Variants in NRG3 observed in about 807,000 individuals in gnomAD.
NRG3 encodes the protein neuregulin 3.
NRG3 carries 31 observed loss-of-function variants against 66.9 expected under a neutral mutation model. The observed-to-expected ratio is 0.46, with a 90% CI of 0.35 to 0.63. The LOEUF (loss-of-function observed/expected upper bound fraction) is 0.63. Ranked by LOEUF, NRG3 falls within the 20% of genes least tolerant of loss-of-function variation. NRG3 has a pLI of 0.00. For missense variants in NRG3, 910 were observed against 878.9 expected (o/e 1.04, Z -0.45); for synonymous variants, 393 against 359.4 (o/e 1.09, Z -1.06).
chr10:82,563,970 T>A (rs1271163792), intron 2 of NRG3, among the ~76,000 whole-genome samples: 1 of 152,126 alleles, frequency 6.6e-6, no homozygotes, highest in African/African-American at 2.4e-5. Context: ...CTATTAAGCA[T>A]TTTTACAAAT....
In NRG3 at chr10:82,351,359, A is replaced by G. The variant is rs943026402; in HGVS notation, c.824-7380A>G. ...AAGATACACCATCCCCACCGTGGAT[A>G]GCATCCAGATTAATGCTGGAAATCA... On this transcript the variant is annotated intron_variant, in intron 1 of 8. Transcript: ENST00000372141. Among the ~76,000 whole-genome samples, 4 of 152,370 alleles carry G rather than the reference A, an allele frequency of 2.6e-5. No homozygotes were observed. The South Asian group carries it at 8.3e-4, about 32-fold the overall frequency.
chr10:82,232,627 A>G (rs1475614772), intron 1 of NRG3: 2 of 624,482 alleles, frequency 3.2e-6, no homozygotes, highest in East Asian at 2.8e-5. Flanking sequence ...ATCTATAAAT[A>G]TTATGATTTG....
intron 4 of NRG3, among the ~76,000 whole-genome samples, chr10:82,934,783 G>A (rs1847903781): frequency 6.6e-6 from 1 of 152,126 alleles, no homozygotes; most frequent in Admixed American, 6.6e-5. Context: ...GGCTTAAAAG[G>A]CGCACAATTT....
chr10:82,019,965 C>A (rs1589807059), intron 1 of NRG3, among the ~76,000 whole-genome samples: 1 of 152,100 alleles, frequency 6.6e-6, no homozygotes, highest in South Asian at 2.1e-4. Flanking sequence ...TTAGTAATTT[C>A]TTGCCATCTG....
chr10:82,796,154 A>G (rs962327310), intron 3 of NRG3, among the ~76,000 whole-genome samples: 2 of 152,190 alleles, frequency 1.3e-5, no homozygotes, highest in African/African-American at 4.8e-5. Context: ...GTGTACTTTT[A>G]GGCTCATGTG....
chr10:82,894,375 G>A (rs1843450091), intron 4 of NRG3, among the ~76,000 whole-genome samples: 1 of 152,030 alleles, frequency 6.6e-6, no homozygotes, highest in Admixed American at 6.6e-5. Flanking sequence ...AAAACTGTTA[G>A]GCAAAGTTTT....
At chr10:82,241,770 T>C (rs2077016577) in intron 1 of NRG3, among the ~76,000 whole-genome samples, 1 of 152,196 alleles carries the variant, frequency 6.6e-6, no homozygotes. Flanking sequence ...ATGGAATATT[T>C]TGGCATTAAA....
chr10:82,894,567 A>ACGTTCCT (rs1843467981), intron 4 of NRG3, among the ~76,000 whole-genome samples: 1 of 17,282 alleles, frequency 5.8e-5, no homozygotes, highest in Non-Finnish European at 1.2e-4. Context: ...TTTCTCCTGT[A>ACGTTCCT]CTTAGAGTCC....
intron 2 of NRG3, among the ~76,000 whole-genome samples, chr10:82,553,777 C>A (rs901930495): frequency 1.3e-5 from 2 of 152,098 alleles, no homozygotes; most frequent in Admixed American, 6.6e-5. Context: ...ATAAAAGTTT[C>A]TCCCACAATT....
At chr10:82,900,610 A>T (rs1004269636) in intron 4 of NRG3, among the ~76,000 whole-genome samples, 1 of 152,198 alleles carries the variant, frequency 6.6e-6, no homozygotes, top group African/African-American at 2.4e-5. Flanking sequence ...ATATTATGTC[A>T]GATATTCTGC....
chr10:82,849,538 ATTGT>A (rs144738961), intron 3 of NRG3, among the ~76,000 whole-genome samples: 6,529 of 152,260 alleles, frequency 0.043, 198 homozygotes, highest in Non-Finnish European at 0.066. Context: ...ATGGTGGTAA[ATTGT>A]TAGGAGTAAA....
chr10:81,875,625 G>A lies in NRG3; in HGVS notation c.285G>A (p.Lys95=), dbSNP rs368486474. 4 of 1,613,630 alleles carry A rather than the reference G, an allele frequency of 2.5e-6. No homozygotes were observed. The highest frequency in any genetic ancestry group is 1.3e-5 in the African/African-American group (1 of 74,906). Residue 95 remains lysine, a synonymous_variant, in exon 1 of 9, where the codon AAG becomes AAA. Coordinates refer to ENST00000372141, the MANE Select transcript of NRG3 (RefSeq NM_001010848.4). The surrounding 1 kb of genome is among the most constrained non-coding windows in gnomAD (Gnocchi z 5.3). ...LLKWIVVGSV[K]EYVPTDLVDS... ...AATGGATCGTGGTGGGCTCCGTCAA[G>A]GAGTACGTGCCCACCGACCTAGTGG...
At chr10:82,541,256 A>T (rs1735491218) in intron 2 of NRG3, among the ~76,000 whole-genome samples, 1 of 152,252 alleles carries the variant, frequency 6.6e-6, no homozygotes, top group Admixed American at 6.5e-5. Flanking sequence ...TTAGATATAA[A>T]TACGCATGCA....
At chr10:81,947,730 CCTAGT>C in intron 1 of NRG3, among the ~76,000 whole-genome samples, 1 of 151,816 alleles carries the variant, frequency 6.6e-6, no homozygotes, top group Non-Finnish European at 1.5e-5. Context: ...AAGTGTATGA[CCTAGT>C]CTAATCACTG....
At chr10:82,279,006 T>A in intron 1 of NRG3, among the ~76,000 whole-genome samples, 1 of 152,158 alleles carries the variant, frequency 6.6e-6, no homozygotes, top group Admixed American at 6.6e-5. Flanking sequence ...GTTATTACAG[T>A]CATTTCTTCA....
At chr10:82,823,421 C>T (rs2062040338) in intron 3 of NRG3, among the ~76,000 whole-genome samples, 1 of 152,176 alleles carries the variant, frequency 6.6e-6, no homozygotes, top group Non-Finnish European at 1.5e-5. Flanking sequence ...ATCATTCACT[C>T]ATTTCACACA....
At chr10:82,671,115 C>G (rs1009891529) in intron 2 of NRG3, among the ~76,000 whole-genome samples, 11 of 152,168 alleles carry the variant, frequency 7.2e-5, no homozygotes, top group African/African-American at 2.7e-4. Context: ...ATGCACATAG[C>G]TCCTCCTCCC....
chr10:81,922,309 G>C (rs1286757934), intron 1 of NRG3, among the ~76,000 whole-genome samples: 1 of 152,074 alleles, frequency 6.6e-6, no homozygotes, highest in Non-Finnish European at 1.5e-5. Context: ...GTGCAGTTTT[G>C]TTACATAGAT....
At chr10:82,681,380 A>C (rs2054101116) in intron 2 of NRG3, among the ~76,000 whole-genome samples, 2 of 152,230 alleles carry the variant, frequency 1.3e-5, no homozygotes, top group Admixed American at 6.5e-5. Context: ...TGAAATACCT[A>C]ATATGCTGAG....
Sources: allele counts gnomAD v4.1 joint callset (sites outside exome capture counted in the v4.1 genomes callset), GRCh38; gene constraint gnomAD v4.1.1; non-coding constraint Gnocchi (gnomAD v3.1); transcripts MANE v1.5; gene names NCBI Gene and HGNC (gene_info 2026-07-23, HGNC 2026-07-21).